The following ATXN7L1 variants were observed in gnomAD, a reference collection of about 807,000 sequenced individuals.
The protein encoded by ATXN7L1 is ataxin-7-like protein 1.
A neutral mutation model predicts 70.8 loss-of-function variants in ATXN7L1; 15 were observed. That is an observed-to-expected ratio of 0.21 (90% confidence interval 0.14 to 0.33). ATXN7L1 has a LOEUF of 0.33. ATXN7L1 is among the 10% of genes least tolerant of loss of function. ATXN7L1 has a pLI of 1.00. For missense variants in ATXN7L1, 975 were observed against 1,097.1 expected, an observed-to-expected ratio of 0.89 and a Z score of 1.57; for synonymous variants, 440 against 445.1, an observed-to-expected ratio of 0.99 and a Z score of 0.14.
At chr7:105,623,798 G>C (rs188565064) in intron 8 of ATXN7L1, among the ~76,000 whole-genome samples, 1 of 152,180 alleles carries the variant, frequency 6.6e-6, no homozygotes, top group Non-Finnish European at 1.5e-5. Context: ...GCTTCAAAGC[G>C]GGCCATAAAT....
chr7:105,679,860 C>A (rs1805304118), intron 3 of ATXN7L1, among the ~76,000 whole-genome samples: 2 of 151,882 alleles, frequency 1.3e-5, no homozygotes, highest in South Asian at 4.2e-4. Context: ...TGTGAAGGTA[C>A]TCAATACCAC....
chr7:105,828,657 G>A (rs1044313855), intron 2 of ATXN7L1, among the ~76,000 whole-genome samples: 1 of 152,126 alleles, frequency 6.6e-6, no homozygotes, highest in Non-Finnish European at 1.5e-5. Flanking sequence ...TTTTTTCCAT[G>A]CAAAAAGTTT....
At chr7:105,611,855 G>T (rs905809561) in intron 10 of ATXN7L1, among the ~76,000 whole-genome samples, 2 of 152,106 alleles carry the variant, frequency 1.3e-5, no homozygotes, top group African/African-American at 4.8e-5. Flanking sequence ...AGATCCCAAG[G>T]GCCTTTGCCT....
chr7:105,812,817 A>G (rs1192858609), intron 2 of ATXN7L1, among the ~76,000 whole-genome samples: 1 of 152,112 alleles, frequency 6.6e-6, no homozygotes, highest in African/African-American at 2.4e-5. Context: ...CCTGGACAAC[A>G]TGATGAAACC....
chr7:105,764,095 C>G lies in ATXN7L1; in HGVS notation c.355+24509G>C, dbSNP rs1237527988. Among the ~76,000 whole-genome samples, 4 of 152,122 alleles carry G rather than the reference C, an allele frequency of 2.6e-5. No individual in the cohort carries two copies. In the East Asian group the frequency reaches 7.7e-4, roughly 29 times the overall value. On this transcript the variant is annotated intron_variant, in intron 3 of 11. Coordinates refer to ENST00000419735, the MANE Select transcript of ATXN7L1 (RefSeq NM_020725.2). The stretch of plus-strand genomic sequence containing the variant: ...TCTTGAACTCCTGACCTCAGGTGAT[C>G]CACCCGCCTCAGCCTTCCAAATTGC...
At chr7:105,630,681 C>T (rs773876880) in intron 7 of ATXN7L1, among the ~76,000 whole-genome samples, 4 of 151,572 alleles carry the variant, frequency 2.6e-5, no homozygotes, top group Non-Finnish European at 4.4e-5. Context: ...CATGCCACTG[C>T]ACTCTAGCCT....
At chr7:105,847,002 G>A (rs1002142316) in intron 2 of ATXN7L1, among the ~76,000 whole-genome samples, 1 of 152,162 alleles carries the variant, frequency 6.6e-6, no homozygotes, top group East Asian at 1.9e-4. Flanking sequence ...GGTTTCTTTC[G>A]GGACTAACAG....
intron 3 of ATXN7L1, among the ~76,000 whole-genome samples, chr7:105,711,175 A>C (rs1335442123): frequency 6.6e-6 from 1 of 152,100 alleles, no homozygotes; most frequent in African/African-American, 2.4e-5. Context: ...AGCAAGGGGA[A>C]ACCCATCCCC....
chr7:105,853,235 A>G (rs1337947142), intron 2 of ATXN7L1, among the ~76,000 whole-genome samples: 5 of 152,234 alleles, frequency 3.3e-5, no homozygotes, highest in Non-Finnish European at 5.9e-5. Context: ...TTTAAGTTAC[A>G]TATATTTTTA....
chr7:105,643,523 G>A (rs1449152350), intron 4 of ATXN7L1, among the ~76,000 whole-genome samples: 4 of 152,142 alleles, frequency 2.6e-5, no homozygotes, highest in African/African-American at 7.2e-5. Flanking sequence ...GCTGAATCAC[G>A]CCCCCTCCCC....
chr7:105,636,725 C>T (rs1797442721), intron 7 of ATXN7L1, among the ~76,000 whole-genome samples: 3 of 152,076 alleles, frequency 2.0e-5, no homozygotes, highest in Non-Finnish European at 2.9e-5. Flanking sequence ...TTTGTATAGT[C>T]AAAGAAGGCT....
intron 4 of ATXN7L1, among the ~76,000 whole-genome samples, chr7:105,659,869 A>G (rs1481763645): frequency 6.7e-6 from 1 of 148,282 alleles, no homozygotes; most frequent in African/African-American, 2.5e-5. Context: ...GCCCACTCAC[A>G]TTTCTTTTCT....
chr7:105,779,032 A>G (rs1259173933), intron 3 of ATXN7L1, among the ~76,000 whole-genome samples: 1 of 152,228 alleles, frequency 6.6e-6, no homozygotes, highest in Non-Finnish European at 1.5e-5. Context: ...TCAGCATCCT[A>G]CAGGGGATGG....
chr7:105,659,561 ATT>A (rs1481200334), intron 4 of ATXN7L1, among the ~76,000 whole-genome samples: 1 of 152,232 alleles, frequency 6.6e-6, no homozygotes, highest in East Asian at 1.9e-4. Flanking sequence ...AGGAAAGGGC[ATT>A]GAGAGAAGGT....
chr7:105,862,158 G>A (rs1467600127), intron 2 of ATXN7L1, among the ~76,000 whole-genome samples: 2 of 152,202 alleles, frequency 1.3e-5, no homozygotes, highest in Non-Finnish European at 2.9e-5. Context: ...AGTTCTGGTG[G>A]GCGTGGTGGC....
At chr7:105,864,629 C>T (rs1277488028) in intron 2 of ATXN7L1, among the ~76,000 whole-genome samples, 2 of 150,962 alleles carry the variant, frequency 1.3e-5, no homozygotes, top group African/African-American at 2.4e-5. Context: ...CAGATTCATT[C>T]GTTTTTTTTT....
intron 7 of ATXN7L1, among the ~76,000 whole-genome samples, chr7:105,627,912 T>C (rs1795973417): frequency 7.0e-6 from 1 of 142,576 alleles, no homozygotes; most frequent in South Asian, 2.3e-4. Flanking sequence ...TGGCACAATC[T>C]TGGCTCACTG....
At chr7:105,819,640 A>G (rs933538426) in intron 2 of ATXN7L1, 15 of 889,934 alleles carry the variant, frequency 1.7e-5, no homozygotes, top group Non-Finnish European at 2.8e-5. Flanking sequence ...TTCTACAGAT[A>G]CAAGTTGAAG....
chr7:105,872,463 T>A (rs1409380408), intron 2 of ATXN7L1, among the ~76,000 whole-genome samples: 1 of 152,124 alleles, frequency 6.6e-6, no homozygotes, highest in Admixed American at 6.5e-5. Flanking sequence ...GTAGTATATA[T>A]ACACAATGAA....
Sources: allele counts gnomAD v4.1 joint callset (sites outside exome capture counted in the v4.1 genomes callset), GRCh38; gene constraint gnomAD v4.1.1; transcripts MANE v1.5; gene names NCBI Gene and HGNC (gene_info 2026-07-23, HGNC 2026-07-21).